CCDC170: variants seen among roughly 807,000 people sequenced by gnomAD.
CCDC170 encodes coiled-coil domain containing 170.
CCDC170 carries 69 observed loss-of-function variants against 72.6 expected under a neutral mutation model. The ratio of observed to expected loss-of-function variants is 0.95; its 90% CI spans 0.78 to 1.16. CCDC170 has a LOEUF of 1.16. Among genes scored for constraint, CCDC170 ranks in the 50% most tolerant of loss-of-function variants. The pLI, the probability that CCDC170 is intolerant of heterozygous loss-of-function variation, is 0.00. For synonymous variants in CCDC170, 300 were observed against 303.9 expected (o/e 0.99, Z 0.13); for missense variants, 852 against 832.5 (o/e 1.02, Z -0.29).
chr6:151,527,013 T>C (rs569183562), intron 1 of CCDC170, among the ~76,000 whole-genome samples: 15 of 150,612 alleles, frequency 1.0e-4, no homozygotes, highest in African/African-American at 3.7e-4. Context: ...GCCTCCTGAG[T>C]AGCTGGGACT....
chr6:151,606,908 T>G lies in CCDC170; in HGVS notation c.1711-8535T>G, dbSNP rs139514916. Among the ~76,000 whole-genome samples the G allele has an allele frequency of 1.9e-3, 294 of 152,288 alleles. 2 individuals are homozygous for G. The highest frequency in any genetic ancestry group is 6.7e-3 in the African/African-American group (277 of 41,554). Reference sequence around the variant, plus strand: ...TTTCTTACTTAAAATTTAGCTTGTTTTCTAAGTATAGCTAGTTCTGCTTGA... The same window carrying G: ...TTTCTTACTTAAAATTTAGCTTGTTGTCTAAGTATAGCTAGTTCTGCTTGA... On this transcript the variant is annotated intron_variant, in intron 9 of 10. Coordinates refer to ENST00000239374, the MANE Select transcript of CCDC170 (RefSeq NM_025059.4).
At chr6:151,592,374 A>T (rs915757358) in intron 7 of CCDC170, among the ~76,000 whole-genome samples, 4 of 151,930 alleles carry the variant, frequency 2.6e-5, no homozygotes, top group Non-Finnish European at 5.9e-5. Flanking sequence ...TAAATAAATA[A>T]ATAAACAAAT....
At chr6:151,564,829 C>T (rs953285139) in intron 5 of CCDC170, among the ~76,000 whole-genome samples, 2 of 152,188 alleles carry the variant, frequency 1.3e-5, no homozygotes, top group Non-Finnish European at 2.9e-5. Flanking sequence ...AGCCTGTCCT[C>T]AGACCCCCTG....
At chr6:151,590,227 C>T (rs1429726751) in intron 7 of CCDC170, among the ~76,000 whole-genome samples, 1 of 152,108 alleles carries the variant, frequency 6.6e-6, no homozygotes, top group Non-Finnish European at 1.5e-5. Context: ...TCCAAATATA[C>T]CAAGCTTCTT....
chr6:151,514,349 G>GAGGGAGGA (rs1554219941), intron 1 of CCDC170, among the ~76,000 whole-genome samples: 1 of 100,638 alleles, frequency 9.9e-6, no homozygotes, highest in African/African-American at 5.0e-5. Flanking sequence ...GGGAGGGAGG[G>GAGGGAGGA]AGGGAGGGAG....
Position 151,538,014 on chromosome 6 carries a change from T to TTG in CCDC170, c.187-30_187-29insGT, listed in dbSNP as rs1185059259. 1.9e-6 allele frequency: 3 copies of TTG among 1,549,268 alleles called. No homozygotes were observed. In the East Asian group the frequency reaches 6.8e-5, roughly 35 times the overall value. Reference sequence around the variant, plus strand: ...AATTCAAACTTATGTTGTTAAGGTTTTTTTTTTTTTTAACTTCTTTTCCAT... The same window carrying TTG: ...AATTCAAACTTATGTTGTTAAGGTTTTGTTTTTTTTTTTAACTTCTTTTCCAT... On this transcript the variant is annotated intron_variant, in intron 2 of 10. Coordinates refer to ENST00000239374, the MANE Select transcript of CCDC170 (RefSeq NM_025059.4).
At chr6:151,585,158 T>G (rs4869741) in intron 6 of CCDC170, among the ~76,000 whole-genome samples, 1 of 151,880 alleles carries the variant, frequency 6.6e-6, no homozygotes, top group Non-Finnish European at 1.5e-5. Flanking sequence ...GAGGAACTCC[T>G]GGGAAGGATG....
In CCDC170 at chr6:151,552,963, T is replaced by G. The variant is rs368438881; in HGVS notation, c.774+4474T>G. ...CACTATGCTTGGCTAATTTTTTGTA[T>G]TTTTAGTAGAGAGAGGTTTCACCAT... On this transcript the variant is annotated intron_variant, in intron 5 of 10. Coordinates refer to ENST00000239374, the MANE Select transcript of CCDC170 (RefSeq NM_025059.4). 2.3e-4 allele frequency among the ~76,000 whole-genome samples: 35 copies of G among 151,896 alleles called. No homozygotes were observed. The South Asian group carries it at 7.1e-3, about 31-fold the overall frequency.
chr6:151,586,219 A>G, intron 7 of CCDC170, 130 bp downstream of exon 7: 1 of 876,926 alleles, frequency 1.1e-6, no homozygotes, highest in Non-Finnish European at 1.7e-6. Flanking sequence ...GTCAATTTCA[A>G]GGAACAATGG....
At position 151,568,282 on chromosome 6, in the gene CCDC170, AAGG is replaced by A. The variant is rs1458143306; in HGVS notation, c.775-4888_775-4886del. ...AATGTAAGTTTGAATAGTGCTGTCCAAGGAGGGTTTTGTCTGTATTAAAGTTTG... is the reference window on the plus strand; with the variant it reads ...AATGTAAGTTTGAATAGTGCTGTCCAAGGGTTTTGTCTGTATTAAAGTTTG... On this transcript the variant is annotated intron_variant, in intron 5 of 10. Transcript: ENST00000239374. 2.0e-5 allele frequency among the ~76,000 whole-genome samples: 3 copies of A among 152,136 alleles called. No homozygotes were observed. The East Asian group carries it at 5.8e-4, about 29-fold the overall frequency.
At chr6:151,519,798 T>TTCAAA (rs1782292145) in intron 1 of CCDC170, among the ~76,000 whole-genome samples, 1 of 152,216 alleles carries the variant, frequency 6.6e-6, no homozygotes, top group Non-Finnish European at 1.5e-5. Context: ...TAACCTGAAG[T>TTCAAA]TGCCATGACA....
chr6:151,605,121 T>A (rs1429252222), intron 9 of CCDC170, among the ~76,000 whole-genome samples: 5 of 152,344 alleles, frequency 3.3e-5, no homozygotes, highest in African/African-American at 1.2e-4. Context: ...TTTTAGCTTT[T>A]ACATATGAGT....
In CCDC170 at chr6:151,609,961, C is replaced by T. The variant is rs943260752; in HGVS notation, c.1711-5482C>T. Among the ~76,000 whole-genome samples the T allele has an allele frequency of 3.3e-5, 5 of 152,338 alleles. No individual in the cohort carries two copies. In the East Asian group the frequency reaches 9.6e-4, roughly 29 times the overall value. On this transcript the variant is annotated intron_variant, in intron 9 of 10. Coordinates refer to ENST00000239374, the MANE Select transcript of CCDC170 (RefSeq NM_025059.4). ...TAGACCTCCAAGCTGTGTTCCATCACCTTTGGTAGATAGCCCACTGTAAAT... is the reference window on the plus strand; with the variant it reads ...TAGACCTCCAAGCTGTGTTCCATCATCTTTGGTAGATAGCCCACTGTAAAT...
chr6:151,545,520 G>T lies in CCDC170; in HGVS notation c.588+804G>T, dbSNP rs996885230. Among the ~76,000 whole-genome samples the T allele has an allele frequency of 3.3e-5, 5 of 152,116 alleles. No homozygotes were observed. The East Asian group carries it at 9.6e-4, about 29-fold the overall frequency. Reference sequence around the variant, plus strand: ...CTGAATAATTCACTTGGCCCATAGTGCTTCATTAGGGTACCTGAAAGTATT... The same window carrying T: ...CTGAATAATTCACTTGGCCCATAGTTCTTCATTAGGGTACCTGAAAGTATT... On this transcript the variant is annotated intron_variant, in intron 4 of 10. Transcript: ENST00000239374.
At chr6:151,524,643 G>T (rs1236179271) in intron 1 of CCDC170, among the ~76,000 whole-genome samples, 1 of 152,140 alleles carries the variant, frequency 6.6e-6, no homozygotes, top group Non-Finnish European at 1.5e-5. Flanking sequence ...TGAAGCTACA[G>T]TTTCCATTGA....
chr6:151,617,485 CAA>C lies in CCDC170; in HGVS notation c.1948-460_1948-459del, dbSNP rs568646126. On this transcript the variant is annotated intron_variant, in intron 10 of 10. Transcript: ENST00000239374. ...AGAGGTTATCAGCCAGCTAAAATCCCAAAGCATGTTTACCATCCATGGGCACA... is the reference window on the plus strand; with the variant it reads ...AGAGGTTATCAGCCAGCTAAAATCCCAGCATGTTTACCATCCATGGGCACA... Among the ~76,000 whole-genome samples, 205 of 134,868 alleles carry C rather than the reference CAA, an allele frequency of 1.5e-3. 1 individual carries two copies. Among genetic ancestry groups the C allele is most frequent in the African/African-American group, 5.3e-3 (192 of 36,108 alleles). The allele number at this position is 134,868 out of a possible 152,430, so 88.5% of individuals were successfully genotyped here.
chr6:151,539,024 G>A (rs989345664), intron 3 of CCDC170, among the ~76,000 whole-genome samples: 3 of 152,154 alleles, frequency 2.0e-5, no homozygotes, highest in Admixed American at 2.0e-4. Flanking sequence ...CACTTTTGGA[G>A]GCTGAGGTGG....
chr6:151,551,292 G>A (rs1782874308), intron 5 of CCDC170, among the ~76,000 whole-genome samples: 1 of 152,108 alleles, frequency 6.6e-6, no homozygotes, highest in African/African-American at 2.4e-5. Context: ...AACTATGTCA[G>A]CATATTTATC....
intron 10 of CCDC170, 42 bp from the exon 11 acceptor site, chr6:151,617,905 A>G: frequency 6.3e-7 from 1 of 1,588,484 alleles, no homozygotes; most frequent in Non-Finnish European, 8.6e-7. Flanking sequence ...TAGTTGATAC[A>G]TTTTGTTCTC....
Sources: allele counts gnomAD v4.1 joint callset (sites outside exome capture counted in the v4.1 genomes callset), GRCh38; gene constraint gnomAD v4.1.1; transcripts MANE v1.5; gene names NCBI Gene and HGNC (gene_info 2026-07-23, HGNC 2026-07-21).